Variants in TNPO1 observed in about 807,000 individuals in gnomAD.
TNPO1 encodes the protein transportin-1.
In TNPO1, 8 loss-of-function variants were observed where a neutral mutation model predicts 119.5. The ratio of observed to expected loss-of-function variants is 0.07; its 90% CI spans 0.04 to 0.12. The LOEUF (loss-of-function observed/expected upper bound fraction) is 0.12. Ranked by LOEUF, TNPO1 falls within the 10% of genes least tolerant of loss-of-function variation. The probability of loss-of-function intolerance (pLI) is 1.00; values close to 1 mark genes in which losing one functional copy is unlikely to be tolerated. For synonymous variants in TNPO1, 362 were observed against 363.0 expected, an observed-to-expected ratio of 1.00 and a Z score of 0.03; for missense variants, 576 against 1,089.8, an observed-to-expected ratio of 0.53 and a Z score of 6.64.
At chr5:72,848,909 CAGGCCGAGCGGG>C (rs1236996930) in intron 2 of TNPO1, among the ~76,000 whole-genome samples, 4 of 151,696 alleles carry the variant, frequency 2.6e-5, no homozygotes, top group African/African-American at 9.7e-5. Flanking sequence ...GTGGGGGTGG[CAGGCCGAGCGGG>C]AGGCCGGGTG....
At chr5:72,854,992 AAATT>A (rs1745871179) in intron 3 of TNPO1, among the ~76,000 whole-genome samples, 1 of 152,108 alleles carries the variant, frequency 6.6e-6, no homozygotes, top group African/African-American at 2.4e-5. Flanking sequence ...TGATTTCAAA[AAATT>A]TTTTTTTTGT....
Position 72,909,338 on chromosome 5 carries a change from G to C in TNPO1, c.*665G>C, listed in dbSNP as rs200778386. 6.6e-6 allele frequency: 1 copy of C among 150,822 alleles called. No individual in the cohort carries two copies. Among genetic ancestry groups the C allele is most frequent in the East Asian group, 2.0e-4 (1 of 5,036 alleles). The allele number at this position is 150,822 out of a possible 1,614,324, so 9.3% of individuals were successfully genotyped here. A position where few individuals can be genotyped will look rare whatever the true frequency, so the allele number is the denominator to read the frequency against. ...ACAAACATAAACAATGAAGCACCCT[G>C]TGAAATGCCAAATGAGTCACTCCTT... On this transcript the variant is annotated 3_prime_UTR_variant, in exon 25 of 25. Transcript: ENST00000337273.
intron 9 of TNPO1, among the ~76,000 whole-genome samples, chr5:72,878,253 A>G (rs545406262): frequency 1.4e-4 from 21 of 151,948 alleles, no homozygotes; most frequent in Admixed American, 1.3e-3. Flanking sequence ...CTTTGTCAAT[A>G]AAAGGTTGTT....
chr5:72,839,965 A>G, intron 1 of TNPO1, among the ~76,000 whole-genome samples: 1 of 151,642 alleles, frequency 6.6e-6, no homozygotes, highest in East Asian at 1.9e-4. Flanking sequence ...TGTTACTCCT[A>G]TCAGCCTTTT....
chr5:72,855,556 G>A (rs905830737), intron 3 of TNPO1, among the ~76,000 whole-genome samples: 3 of 152,116 alleles, frequency 2.0e-5, no homozygotes, highest in African/African-American at 4.8e-5. Flanking sequence ...GCACAGGACA[G>A]CACCCTCCAA....
intron 11 of TNPO1, among the ~76,000 whole-genome samples, chr5:72,886,028 T>C (rs1396048542): frequency 6.6e-6 from 1 of 152,202 alleles, no homozygotes; most frequent in Non-Finnish European, 1.5e-5. Flanking sequence ...AACCCATTTA[T>C]GAGGGCAGAA....
chr5:72,832,105 G>T (rs996039991), intron 1 of TNPO1, among the ~76,000 whole-genome samples: 19 of 152,022 alleles, frequency 1.2e-4, no homozygotes, highest in African/African-American at 4.6e-4. Context: ...TATAGGCTCA[G>T]AAGTGTAATC....
At chr5:72,899,872 T>C in intron 20 of TNPO1, 134 bp from the exon 21 acceptor site, 1 of 676,464 alleles carries the variant, frequency 1.5e-6, no homozygotes, top group Non-Finnish European at 2.6e-6. Flanking sequence ...TTATGTTTAT[T>C]ATCATACACA....
At position 72,913,737 on chromosome 5, in the gene TNPO1, A is replaced by G. The variant is rs1433112312; in HGVS notation, c.*5064A>G. 1 of 152,510 alleles carries G rather than the reference A, an allele frequency of 6.6e-6. No homozygotes were observed. Among genetic ancestry groups the G allele is most frequent in the Admixed American group, 6.5e-5 (1 of 15,268 alleles). The allele number at this position is 152,510 out of a possible 1,614,324, so 9.4% of individuals were successfully genotyped here. ...AAGGCAGTGTTGGTCCCCTTCTAATATTGGCCTCATAAAGGGGTTCCACTG... is the reference window on the plus strand; with the variant it reads ...AAGGCAGTGTTGGTCCCCTTCTAATGTTGGCCTCATAAAGGGGTTCCACTG... On this transcript the variant is annotated 3_prime_UTR_variant, in exon 25 of 25. Coordinates refer to ENST00000337273, the MANE Select transcript of TNPO1 (RefSeq NM_002270.4).
At chr5:72,906,632 T>A (rs1750190820) in intron 24 of TNPO1, among the ~76,000 whole-genome samples, 1 of 152,136 alleles carries the variant, frequency 6.6e-6, no homozygotes. Flanking sequence ...AGATTCTGTT[T>A]TAATTTGGGA....
chr5:72,887,758 T>TA (rs977864587), intron 12 of TNPO1, among the ~76,000 whole-genome samples: 11 of 151,724 alleles, frequency 7.3e-5, no homozygotes, highest in Middle Eastern at 6.8e-3. Flanking sequence ...CCCATTGCTT[T>TA]AAAAAAAAAT....
rs1257047306 is a variant in TNPO1 at position 72,913,328 on chromosome 5, A to AT, written c.*4657dup. On this transcript the variant is annotated 3_prime_UTR_variant, in exon 25 of 25. Transcript: ENST00000337273. ...TTACATAGATCTTTCACCCATTAGC[A>AT]TTACTTACGTAGATAATTCTTTATG... 9 of 152,458 alleles carry AT rather than the reference A, an allele frequency of 5.9e-5. No individual in the cohort carries two copies. The highest frequency in any genetic ancestry group is 2.2e-4 in the African/African-American group (9 of 41,454). 9.4% of individuals were successfully genotyped at this position (152,458 alleles called of 1,614,324 possible). A position where few individuals can be genotyped will look rare whatever the true frequency, so the allele number is the denominator to read the frequency against.
At chr5:72,833,665 G>C (rs1292939061) in intron 1 of TNPO1, among the ~76,000 whole-genome samples, 1 of 152,102 alleles carries the variant, frequency 6.6e-6, no homozygotes, top group African/African-American at 2.4e-5. Flanking sequence ...CTTATAAACT[G>C]AACACTTTCT....
At chr5:72,887,003 TA>T in intron 11 of TNPO1, 66 bp from the exon 12 acceptor site, 1 of 1,370,556 alleles carries the variant, frequency 7.3e-7, no homozygotes, top group Admixed American at 2.3e-5. Context: ...AAATGTTACA[TA>T]TACAATAAAT....
chr5:72,895,125 C>G (rs183825098), intron 18 of TNPO1, among the ~76,000 whole-genome samples: 1 of 152,206 alleles, frequency 6.6e-6, no homozygotes, highest in Non-Finnish European at 1.5e-5. Flanking sequence ...TCTCTTCTTA[C>G]AATTGTTTTT....
Position 72,891,844 on chromosome 5 carries a change from A to G in TNPO1, c.1736A>G (p.Gln579Arg), listed in dbSNP as rs766096191. ...CAGATGCTAATGCCTCCACTGATCCAGAAATGGAACATGTTAAAGGATGAA... is the reference window on the plus strand; with the variant it reads ...CAGATGCTAATGCCTCCACTGATCCGGAAATGGAACATGTTAAAGGATGAA... ...YIQMLMPPLI[Q>R]KWNMLKDEDK... Residue 579 changes from glutamine (Q) to arginine (R), a missense_variant, in exon 15 of 25, where the codon CAG (glutamine) becomes CGG (arginine). Gln to Arg is a conservative substitution (Grantham distance 43, BLOSUM62 1). This residue lies in a region of TNPO1 where 23 missense variants were observed against 105.8 expected (regional missense o/e 0.22). Transcript: ENST00000337273. 6 of 1,611,534 alleles carry G rather than the reference A, an allele frequency of 3.7e-6. No individual in the cohort carries two copies. In the South Asian group the frequency reaches 4.4e-5, roughly 12 times the overall value.
chr5:72,838,491 T>G (rs905730172), intron 1 of TNPO1, among the ~76,000 whole-genome samples: 1 of 152,218 alleles, frequency 6.6e-6, no homozygotes, highest in Non-Finnish European at 1.5e-5. Context: ...CAATTTCAGA[T>G]GTGTTTCACA....
intron 1 of TNPO1, among the ~76,000 whole-genome samples, chr5:72,828,458 G>A (rs1323379547): frequency 1.3e-5 from 2 of 152,090 alleles, no homozygotes; most frequent in South Asian, 2.1e-4. Context: ...TACTTTACAT[G>A]GATTCACCAA....
chr5:72,876,506 AT>A (rs1033163729), intron 8 of TNPO1, among the ~76,000 whole-genome samples: 5 of 152,338 alleles, frequency 3.3e-5, no homozygotes, highest in Admixed American at 3.3e-4. Flanking sequence ...ATGAAAAATT[AT>A]CTTTATAATT....
Sources: gnomAD v4.1 joint callset for allele counts (sites outside exome capture counted in the v4.1 genomes callset) on GRCh38, gnomAD v4.1.1 for gene constraint, gnomAD v4.1.1 regional missense constraint, MANE v1.5 for transcripts, NCBI Gene and HGNC (gene_info 2026-07-23, HGNC 2026-07-21) for gene names.